Variants in TOMM5 observed in about 807,000 individuals in gnomAD.
TOMM5 encodes mitochondrial import receptor subunit TOM5 homolog.
TOMM5 carries 1 observed loss-of-function variant against 4.8 expected under a neutral mutation model. The ratio of observed to expected loss-of-function variants is 0.21; its 90% CI spans 0.07 to 0.99. The LOEUF is 0.99. Among genes scored for constraint, TOMM5 ranks in the 50% least tolerant of loss-of-function variants. The pLI is 0.60. For missense variants in TOMM5, 60 were observed against 66.6 expected (o/e 0.90, Z 0.35); for synonymous variants, 26 against 26.7 (o/e 0.97, Z 0.08).
At chr9:37,592,347 A>G in intron 1 of TOMM5, 65 bp downstream of exon 1, 1 of 1,609,442 alleles carries the variant, frequency 6.2e-7, no homozygotes. Context: ...GACCCCTTAG[A>G]GTTAAGGGGT....
chr9:37,592,349 T>C, intron 1 of TOMM5, 63 bp downstream of exon 1: 1 of 1,609,986 alleles, frequency 6.2e-7, no homozygotes, highest in Non-Finnish European at 8.5e-7. Flanking sequence ...CCCCTTAGAG[T>C]TAAGGGGTGC....
intron 1 of TOMM5, among the ~76,000 whole-genome samples, chr9:37,589,354 G>A (rs146305742): frequency 6.8e-4 from 104 of 152,318 alleles, no homozygotes; most frequent in African/African-American, 2.4e-3. Flanking sequence ...AGAACCGGAA[G>A]AGCTGGACAC....
At chr9:37,592,048 G>A (rs546230368) in intron 1 of TOMM5, among the ~76,000 whole-genome samples, 4 of 152,148 alleles carry the variant, frequency 2.6e-5, no homozygotes, top group African/African-American at 9.6e-5. Context: ...CTCCCGAGGA[G>A]CTGGGATTAC....
At chr9:37,590,403 CAAAAAAAA>C (rs1823082250) in intron 1 of TOMM5, among the ~76,000 whole-genome samples, 1 of 143,722 alleles carries the variant, frequency 7.0e-6, no homozygotes, top group African/African-American at 2.6e-5. Context: ...AAGACCGTCT[CAAAAAAAA>C]GAAAAAAAAA....
At chr9:37,589,499 G>A (rs751097451) in intron 1 of TOMM5, among the ~76,000 whole-genome samples, 44 of 152,090 alleles carry the variant, frequency 2.9e-4, no homozygotes, top group Admixed American at 5.2e-4. Context: ...ACTAAGTGTC[G>A]ACATATAGAT....
At chr9:37,591,893 G>A (rs375167200) in intron 1 of TOMM5, among the ~76,000 whole-genome samples, 1 of 151,988 alleles carries the variant, frequency 6.6e-6, no homozygotes, top group Non-Finnish European at 1.5e-5. Flanking sequence ...GTTCCTCTAG[G>A]GATAATTACT....
intron 1 of TOMM5, 85 bp from the exon 2 acceptor site, chr9:37,589,017 G>T: frequency 1.6e-6 from 2 of 1,248,348 alleles, no homozygotes. Flanking sequence ...TATTCAACAT[G>T]TTTTTGAAAA....
rs114726823 is a variant in TOMM5 at position 37,592,572 on chromosome 9, C to T, written c.-40G>A. 8.8e-4 allele frequency: 1,410 copies of T among 1,597,276 alleles called. 10 individuals are homozygous for T. In the African/African-American group the frequency reaches 0.016, roughly 19 times the overall value. On this transcript the variant is annotated 5_prime_UTR_variant, in exon 1 of 2. Coordinates refer to ENST00000321301, the MANE Select transcript of TOMM5 (RefSeq NM_001001790.3). ...AGCAGCTTCCAGCCGCCGCGCTCTG[C>T]TCTCCACGGTGGCCGCCTCGCGCCC...
At position 37,588,813 on chromosome 9, in the gene TOMM5, CT is replaced by C; in HGVS notation, c.*84del. Reference sequence around the variant, plus strand: ...TGTCCATTCAAAGAGTCTCTTACACCTTTCTGGGCCTATTCACTTGCAGAGA... The same window carrying C: ...TGTCCATTCAAAGAGTCTCTTACACCTTCTGGGCCTATTCACTTGCAGAGA... On this transcript the variant is annotated 3_prime_UTR_variant, in exon 2 of 2. Transcript: ENST00000321301. The C allele has an allele frequency of 7.3e-7, 1 of 1,364,998 alleles. No individual in the cohort carries two copies. The highest frequency in any genetic ancestry group is 1.2e-5 in the South Asian group (1 of 85,884). 84.6% of individuals were successfully genotyped at this position (1,364,998 alleles called of 1,614,324 possible). A position where few individuals can be genotyped will look rare whatever the true frequency, so the allele number is the denominator to read the frequency against.
chr9:37,592,404 A>G lies in TOMM5; in HGVS notation c.121+8T>C. The G allele has an allele frequency of 6.2e-7, 1 of 1,613,902 alleles. No homozygotes were observed. The highest frequency in any genetic ancestry group is 8.5e-7 in the Non-Finnish European group (1 of 1,179,936). On this transcript the variant is annotated splice_region_variant and intron_variant, in intron 1 of 1. Transcript: ENST00000321301. ...TGGTCTCACAGTCACAGCCCGGGAGACACTCACTGACTCGCAGGAGGGCCA... is the reference window on the plus strand; with the variant it reads ...TGGTCTCACAGTCACAGCCCGGGAGGCACTCACTGACTCGCAGGAGGGCCA...
chr9:37,592,129 G>T (rs1466236417), intron 1 of TOMM5: 3 of 1,229,928 alleles, frequency 2.4e-6, no homozygotes, highest in Admixed American at 2.5e-5. Context: ...TGCTGGGTGG[G>T]ATTACAGGTG....
chr9:37,591,648 C>T (rs191644587), intron 1 of TOMM5, among the ~76,000 whole-genome samples: 4 of 149,576 alleles, frequency 2.7e-5, no homozygotes, highest in Admixed American at 6.7e-5. Flanking sequence ...GCCAAGACTG[C>T]GCCACTGCAC....
rs201829213 is a variant in TOMM5, at chr9:37,592,430, C to G, written c.103G>C (p.Val35Leu). Residue 35 changes from valine to leucine, a missense_variant, in exon 1 of 2, where the codon GTG becomes CTG. By Grantham distance (32) the Val-to-Leu change is conservative. Transcript: ENST00000321301. Reference protein sequence around the residue: ...ISSIRNFLIYVALLRVTPFIL... With the variant: ...ISSIRNFLIYLALLRVTPFIL... ...CACTCACTGACTCGCAGGAGGGCCACGTAGATGAGAAAGTTCCGTATGGAG... is the reference window on the plus strand; with the variant it reads ...CACTCACTGACTCGCAGGAGGGCCAGGTAGATGAGAAAGTTCCGTATGGAG... 368 of 1,614,010 alleles carry G rather than the reference C, an allele frequency of 2.3e-4. No homozygotes were observed. The highest frequency in any genetic ancestry group is 6.8e-5 in the Non-Finnish European group (80 of 1,180,034).
At chr9:37,592,263 G>A (rs780479912) in intron 1 of TOMM5, 149 bp downstream of exon 1, 2 of 1,550,086 alleles carry the variant, frequency 1.3e-6, no homozygotes, top group East Asian at 2.4e-5. Context: ...CTCAAACCGC[G>A]CATATGCCCG....
At chr9:37,590,535 G>T (rs1208431068) in intron 1 of TOMM5, among the ~76,000 whole-genome samples, 2 of 152,174 alleles carry the variant, frequency 1.3e-5, no homozygotes, top group Non-Finnish European at 2.9e-5. Context: ...TAGGGGGAAA[G>T]AAAATACTGT....
chr9:37,592,325 G>C, intron 1 of TOMM5, 87 bp downstream of exon 1: 1 of 1,597,268 alleles, frequency 6.3e-7, no homozygotes, highest in Non-Finnish European at 8.5e-7. Context: ...AGCTCAGTTC[G>C]AAGGCCCCGA....
At chr9:37,591,918 TCAAA>T (rs1823109374) in intron 1 of TOMM5, among the ~76,000 whole-genome samples, 1 of 152,052 alleles carries the variant, frequency 6.6e-6, no homozygotes, top group South Asian at 2.1e-4. Flanking sequence ...CTCTTTCAGC[TCAAA>T]CATTCTTTTT....
chr9:37,588,838 G>T lies in TOMM5; in HGVS notation c.*60C>A. On this transcript the variant is annotated 3_prime_UTR_variant, in exon 2 of 2. Transcript: ENST00000321301. ...CTTTCTGGGCCTATTCACTTGCAGA[G>T]AGGAGTCGAAACTGTAACCAGGCTC... The T allele has an allele frequency of 6.6e-7, 1 of 1,522,222 alleles. No individual in the cohort carries two copies. Among genetic ancestry groups the T allele is most frequent in the Non-Finnish European group, 9.1e-7 (1 of 1,096,336 alleles). 94.3% of individuals were successfully genotyped at this position (1,522,222 alleles called of 1,614,324 possible).
In TOMM5 at chr9:37,592,543, A is replaced by T. The variant is rs773368229; in HGVS notation, c.-11T>A. 3.4e-5 allele frequency: 55 copies of T among 1,608,926 alleles called. No homozygotes were observed. Among genetic ancestry groups the T allele is most frequent in the South Asian group, 1.8e-4 (16 of 90,908 alleles). On this transcript the variant is annotated 5_prime_UTR_variant, in exon 1 of 2. Transcript: ENST00000321301. ...CTCAATCCGGAACATCGCGGCTCTGACTTAGCAGCTTCCAGCCGCCGCGCT... is the reference window on the plus strand; with the variant it reads ...CTCAATCCGGAACATCGCGGCTCTGTCTTAGCAGCTTCCAGCCGCCGCGCT...
Sources: allele counts gnomAD v4.1 joint callset (sites outside exome capture counted in the v4.1 genomes callset), GRCh38; gene constraint gnomAD v4.1.1; transcripts MANE v1.5; gene names NCBI Gene and HGNC (gene_info 2026-07-23, HGNC 2026-07-21).